Variants in NCOA2 observed in about 807,000 individuals in gnomAD.
The protein encoded by NCOA2 is class E basic helix-loop-helix protein 75.
In NCOA2, 21 loss-of-function variants were observed where a neutral mutation model predicts 145.1. That is an observed-to-expected ratio of 0.14 (90% CI 0.10 to 0.21). The LOEUF (loss-of-function observed/expected upper bound fraction) is 0.21, where lower values mean the gene tolerates loss of function less well. NCOA2 is among the 10% of genes least tolerant of loss of function. The probability of loss-of-function intolerance (pLI) is 1.00; values close to 1 mark genes in which losing one functional copy is unlikely to be tolerated. For missense variants in NCOA2, 1,472 were observed against 1,837.6 expected (o/e 0.80, Z 3.64); for synonymous variants, 619 against 637.5 (o/e 0.97, Z 0.44).
At chr8:70,116,141 T>TGC (rs1563469842) in intron 22 of NCOA2, among the ~76,000 whole-genome samples, 1 of 141,910 alleles carries the variant, frequency 7.0e-6, no homozygotes, top group Non-Finnish European at 1.5e-5. Flanking sequence ...GAGCCGAGAT[T>TGC]GCGCCACTGC....
intron 2 of NCOA2, among the ~76,000 whole-genome samples, chr8:70,257,927 T>C (rs1823781354): frequency 6.6e-6 from 1 of 152,100 alleles, no homozygotes; most frequent in Admixed American, 6.5e-5. Flanking sequence ...TTTTCTTTTT[T>C]CTTTTTTTGA....
At chr8:70,124,595 A>G (rs1808196489) in intron 20 of NCOA2, 93 bp downstream of exon 20, 1 of 1,286,988 alleles carries the variant, frequency 7.8e-7, no homozygotes, top group Non-Finnish European at 1.0e-6. Context: ...TGATAAAAAC[A>G]AACAGAAAGC....
intron 6 of NCOA2, among the ~76,000 whole-genome samples, chr8:70,167,563 T>C (rs73687614): frequency 0.023 from 3,458 of 152,336 alleles, 131 homozygotes; most frequent in African/African-American, 0.079. Context: ...CTTTAGTATA[T>C]AGTTTATAAC....
chr8:70,303,506 T>G (rs192399949), intron 1 of NCOA2, among the ~76,000 whole-genome samples: 68 of 152,258 alleles, frequency 4.5e-4, no homozygotes, highest in Non-Finnish European at 6.9e-4. Context: ...AATGGAGAGA[T>G]AAAGATATAA....
chr8:70,322,793 G>T (rs1023296502), intron 1 of NCOA2, among the ~76,000 whole-genome samples: 1 of 152,146 alleles, frequency 6.6e-6, no homozygotes, highest in African/African-American at 2.4e-5. Context: ...TAATGACAGT[G>T]ATTACTGTAA....
Position 70,177,050 on chromosome 8 carries a change from G to C in NCOA2, c.260-2191C>G, listed in dbSNP as rs140102325. Among the ~76,000 whole-genome samples, 127 of 152,338 alleles carry C rather than the reference G, an allele frequency of 8.3e-4. 1 individual carries two copies. Among genetic ancestry groups the C allele is most frequent in the African/African-American group, 3.0e-3 (123 of 41,574 alleles). The stretch of plus-strand genomic sequence containing the variant: ...AGCAGTCCACATGCAGGAGCAATGT[G>C]CTGACATCCCACAGACTGACTGATC... On this transcript the variant is annotated intron_variant, in intron 4 of 22. Transcript: ENST00000452400.
the NCOA2 span, among the ~76,000 whole-genome samples, chr8:70,421,990 G>T: frequency 6.6e-6 from 1 of 151,984 alleles, no homozygotes; most frequent in African/African-American, 2.4e-5. Context: ...AGCTACTTGG[G>T]AGGCTGAGGC....
At chr8:70,435,733 T>C in the NCOA2 span, among the ~76,000 whole-genome samples, 1 of 151,084 alleles carries the variant, frequency 6.6e-6, no homozygotes, top group Non-Finnish European at 1.5e-5. Context: ...TATATATATA[T>C]GATCTTCCTC....
chr8:70,127,544 G>A (rs1381349053), intron 18 of NCOA2, among the ~76,000 whole-genome samples: 2 of 152,164 alleles, frequency 1.3e-5, no homozygotes, highest in East Asian at 1.9e-4. Context: ...CACAGAGACC[G>A]AGTCAGAGGT....
chr8:70,406,737 A>G (rs765669158), upstream of NCOA2, among the ~76,000 whole-genome samples: 1 of 152,184 alleles, frequency 6.6e-6, no homozygotes, highest in Non-Finnish European at 1.5e-5. Context: ...AAGAATTTCT[A>G]TTTTTGTCTG....
At chr8:70,427,276 T>C in the NCOA2 span, among the ~76,000 whole-genome samples, 15 of 152,096 alleles carry the variant, frequency 9.9e-5, no homozygotes, top group African/African-American at 3.4e-4. Flanking sequence ...ACTAGTAAAA[T>C]GAGAAATAAA....
intron 1 of NCOA2, among the ~76,000 whole-genome samples, chr8:70,344,674 G>A (rs1019576023): frequency 1.3e-5 from 2 of 152,152 alleles, no homozygotes; most frequent in Non-Finnish European, 2.9e-5. Flanking sequence ...GACTAGGGCA[G>A]GGATAAAAGC....
chr8:70,252,933 G>A (rs1380007432), intron 2 of NCOA2, among the ~76,000 whole-genome samples: 1 of 152,224 alleles, frequency 6.6e-6, no homozygotes, highest in Non-Finnish European at 1.5e-5. Context: ...TTGTCTGCAA[G>A]ACTGCATCTC....
intron 1 of NCOA2, among the ~76,000 whole-genome samples, chr8:70,340,120 C>G (rs1056304763): frequency 1.3e-5 from 2 of 152,034 alleles, no homozygotes; most frequent in Non-Finnish European, 2.9e-5. Context: ...AGCTTCTGCA[C>G]AGAAAAAGAA....
intron 2 of NCOA2, among the ~76,000 whole-genome samples, chr8:70,251,195 C>A (rs1011187613): frequency 1.3e-5 from 2 of 152,014 alleles, no homozygotes; most frequent in Non-Finnish European, 2.9e-5. Context: ...AGAAAAGGCC[C>A]AACTGTGCTA....
chr8:70,141,675 G>A (rs1045963782), intron 13 of NCOA2, among the ~76,000 whole-genome samples: 1 of 152,196 alleles, frequency 6.6e-6, no homozygotes, highest in Non-Finnish European at 1.5e-5. Flanking sequence ...GCCGTGGCGT[G>A]TGGATAACCC....
chr8:70,164,491 T>C (rs567119771), intron 7 of NCOA2, among the ~76,000 whole-genome samples: 23 of 152,310 alleles, frequency 1.5e-4, no homozygotes, highest in African/African-American at 5.3e-4. Context: ...GCTGCTACCC[T>C]ATCTAAAATA....
rs564924844 is a variant in NCOA2 at position 70,199,910 on chromosome 8, T to C, written c.259+13993A>G. Among the ~76,000 whole-genome samples the C allele has an allele frequency of 5.3e-5, 8 of 152,316 alleles. No homozygotes were observed. The South Asian group carries it at 1.7e-3, about 32-fold the overall frequency. On this transcript the variant is annotated intron_variant, in intron 4 of 22. Transcript: ENST00000452400. Reference sequence around the variant, plus strand: ...TAATGTATACAGTCAGCCTTCTGTATCCATGGGTTCTGCATTGGTGGATTC... The same window carrying C: ...TAATGTATACAGTCAGCCTTCTGTACCCATGGGTTCTGCATTGGTGGATTC...
chr8:70,205,458 G>A lies in NCOA2; in HGVS notation c.259+8445C>T, dbSNP rs181149481. ...GTAGTAGGCCAAACTGGTCAGACCC[G>A]AGGTCTTGGTGAAGCCCCCTTGCCA... is the stretch of plus-strand genomic sequence containing the variant. On this transcript the variant is annotated intron_variant, in intron 4 of 22. Coordinates refer to ENST00000452400, the MANE Select transcript of NCOA2 (RefSeq NM_006540.4). Among the ~76,000 whole-genome samples the A allele has an allele frequency of 1.9e-3, 293 of 152,208 alleles. 1 individual carries two copies. Among genetic ancestry groups the A allele is most frequent in the Non-Finnish European group, 3.0e-3 (202 of 68,012 alleles).
Sources: allele counts gnomAD v4.1 joint callset (sites outside exome capture counted in the v4.1 genomes callset), GRCh38; gene constraint gnomAD v4.1.1; transcripts MANE v1.5; gene names NCBI Gene and HGNC (gene_info 2026-07-23, HGNC 2026-07-21).